Variants in RALGPS1 observed in about 807,000 individuals in gnomAD.
RALGPS1 encodes the protein ras-specific guanine nucleotide-releasing factor RalGPS1.
Under a neutral mutation model 78.8 loss-of-function variants are expected in RALGPS1, and 19 were observed. The ratio of observed to expected loss-of-function variants is 0.24; its 90% CI spans 0.17 to 0.35. The LOEUF (loss-of-function observed/expected upper bound fraction) is 0.35. Ranked by LOEUF, RALGPS1 falls within the 10% of genes least tolerant of loss-of-function variation. The probability of loss-of-function intolerance (pLI) is 1.00; values close to 1 mark genes in which losing one functional copy is unlikely to be tolerated. For synonymous variants in RALGPS1, 228 were observed against 256.3 expected (o/e 0.89, Z 1.06); for missense variants, 454 against 688.3 (o/e 0.66, Z 3.81).
chr9:127,151,803 T>G (rs1015396987), intron 8 of RALGPS1, among the ~76,000 whole-genome samples: 1 of 152,134 alleles, frequency 6.6e-6, no homozygotes, highest in African/African-American at 2.4e-5. Flanking sequence ...CTGAGTTCTA[T>G]CCCTAGATAC....
chr9:127,171,275 TGGATAGAA>T (rs1022134053), intron 10 of RALGPS1, among the ~76,000 whole-genome samples: 6 of 152,180 alleles, frequency 3.9e-5, no homozygotes, highest in African/African-American at 1.4e-4. Flanking sequence ...GATAGATGGA[TGGATAGAA>T]GGATAGAATA....
At chr9:127,165,268 A>G (rs905416205) in intron 8 of RALGPS1, among the ~76,000 whole-genome samples, 7 of 152,258 alleles carry the variant, frequency 4.6e-5, no homozygotes, top group Non-Finnish European at 1.5e-5. Flanking sequence ...GCACATCTCC[A>G]GGTGGTCTGA....
rs1471524372 is a variant in RALGPS1, at chr9:127,220,108, CAT to C, written c.*1341_*1342del. 6.6e-6 allele frequency: 1 copy of C among 152,544 alleles called. No individual in the cohort carries two copies. Among genetic ancestry groups the C allele is most frequent in the Non-Finnish European group, 1.5e-5 (1 of 68,030 alleles). 9.4% of individuals were successfully genotyped at this position (152,544 alleles called of 1,614,324 possible). A position where few individuals can be genotyped will look rare whatever the true frequency, so the allele number is the denominator to read the frequency against. ...TTCAGAATAATAAATCACTCTTTAT[CAT>C]AGTATCTTCTCTTCCCTCTTCCCCT... On this transcript the variant is annotated 3_prime_UTR_variant, in exon 19 of 19. Coordinates refer to ENST00000259351, the MANE Select transcript of RALGPS1 (RefSeq NM_014636.3).
intron 4 of RALGPS1, among the ~76,000 whole-genome samples, chr9:127,025,110 A>G (rs2045854818): frequency 6.6e-6 from 1 of 152,170 alleles, no homozygotes; most frequent in African/African-American, 2.4e-5. Flanking sequence ...TGTCTCTGTC[A>G]TGTTTACCTT....
intron 1 of RALGPS1, among the ~76,000 whole-genome samples, chr9:126,943,365 AC>A (rs1394030792): frequency 1.3e-5 from 2 of 151,928 alleles, no homozygotes; most frequent in African/African-American, 4.8e-5. Flanking sequence ...CTGGTTGTGA[AC>A]TCCTGACCTC....
intron 1 of RALGPS1, among the ~76,000 whole-genome samples, chr9:126,940,586 G>A (rs1240893100): frequency 1.3e-5 from 2 of 151,830 alleles, no homozygotes; most frequent in Non-Finnish European, 2.9e-5. Flanking sequence ...ACTACAAGCC[G>A]CCCGCCACCA....
intron 8 of RALGPS1, among the ~76,000 whole-genome samples, chr9:127,117,287 A>T (rs2055537081): frequency 6.6e-6 from 1 of 152,174 alleles, no homozygotes; most frequent in Admixed American, 6.5e-5. Context: ...TCATCTGGTT[A>T]TCTCCCTCCT....
intron 5 of RALGPS1, among the ~76,000 whole-genome samples, chr9:127,047,974 T>G (rs1202087087): frequency 6.6e-6 from 1 of 152,160 alleles, no homozygotes; most frequent in Non-Finnish European, 1.5e-5. Context: ...CCCATGTCCT[T>G]CAGCATGGCA....
intron 8 of RALGPS1, among the ~76,000 whole-genome samples, chr9:127,139,243 C>A (rs1170479503): frequency 6.6e-6 from 1 of 152,170 alleles, no homozygotes; most frequent in Non-Finnish European, 1.5e-5. Flanking sequence ...ACCCATGTTC[C>A]CATCTTCAGA....
At chr9:126,990,555 T>G (rs1158917716) in intron 4 of RALGPS1, among the ~76,000 whole-genome samples, 2 of 152,166 alleles carry the variant, frequency 1.3e-5, no homozygotes, top group East Asian at 3.9e-4. Context: ...CACCACAGCC[T>G]CCCTGGTGTT....
At chr9:127,036,666 C>T (rs1386683322) in intron 5 of RALGPS1, among the ~76,000 whole-genome samples, 1 of 152,124 alleles carries the variant, frequency 6.6e-6, no homozygotes, top group Admixed American at 6.5e-5. Context: ...GGATCCGAGT[C>T]CCTTGGGATT....
chr9:127,062,898 T>A (rs2049346810), intron 7 of RALGPS1, among the ~76,000 whole-genome samples: 1 of 152,174 alleles, frequency 6.6e-6, no homozygotes, highest in Non-Finnish European at 1.5e-5. Context: ...AAGTAAAAAA[T>A]TATTTTAAAA....
intron 1 of RALGPS1, among the ~76,000 whole-genome samples, chr9:126,950,667 T>C (rs1193140186): frequency 6.6e-6 from 1 of 150,636 alleles, no homozygotes; most frequent in Admixed American, 6.6e-5. Context: ...TTCAAAGCAG[T>C]GTGTAGAGGG....
intron 4 of RALGPS1, chr9:126,990,016 T>C: frequency 1.3e-6 from 2 of 1,549,580 alleles, no homozygotes; most frequent in Non-Finnish European, 1.7e-6. Context: ...CTCTGGCCTT[T>C]TGTCTGGATG....
At chr9:127,176,129 C>T (rs1409306412) in intron 11 of RALGPS1, among the ~76,000 whole-genome samples, 4 of 152,108 alleles carry the variant, frequency 2.6e-5, no homozygotes, top group Admixed American at 6.5e-5. Context: ...GGTTGATTCT[C>T]GGGGTCTCCG....
At chr9:127,083,267 C>T (rs903839747) in intron 8 of RALGPS1, among the ~76,000 whole-genome samples, 3 of 152,180 alleles carry the variant, frequency 2.0e-5, no homozygotes. Flanking sequence ...ACGGGCAGAG[C>T]CCATAGAGTT....
Position 127,218,743 on chromosome 9 carries a change from C to T in RALGPS1, c.1648C>T (p.Pro550Ser). The change falls in exon 19 of 19, where the codon CCT becomes TCT. Residue 550 changes from proline to serine, a missense_variant. By Grantham distance (74) the Pro-to-Ser change is moderately conservative. Coordinates refer to ENST00000259351, the MANE Select transcript of RALGPS1 (RefSeq NM_014636.3). The surrounding 1 kb of genome is among the most constrained non-coding windows in gnomAD (Gnocchi z 4.4). Reference protein sequence around the residue: ...DACKSNRPQVPANLMSFE With the variant: ...DACKSNRPQVSANLMSFE ...GAGGCTGAGCTTTCTCTTCTAGGTA[C>T]CTGCAAACCTTATGTCATTTGAGTA... 6.2e-7 allele frequency: 1 copy of T among 1,614,058 alleles called. No homozygotes were observed. Among genetic ancestry groups the T allele is most frequent in the Non-Finnish European group, 8.5e-7 (1 of 1,179,880 alleles).
intron 8 of RALGPS1, among the ~76,000 whole-genome samples, chr9:127,165,782 T>C (rs1278577723): frequency 6.6e-6 from 1 of 152,230 alleles, no homozygotes; most frequent in East Asian, 1.9e-4. Context: ...GTCCTGTTAT[T>C]TTCTAGTTGG....
intron 5 of RALGPS1, among the ~76,000 whole-genome samples, chr9:127,041,109 C>G (rs533469036): frequency 7.1e-6 from 1 of 139,898 alleles, no homozygotes; most frequent in Non-Finnish European, 1.6e-5. Context: ...TTTTTATCCC[C>G]GAGGTGGAGT....
Sources: gnomAD v4.1 joint callset for allele counts (sites outside exome capture counted in the v4.1 genomes callset) on GRCh38, gnomAD v4.1.1 for gene constraint, Gnocchi (gnomAD v3.1) non-coding constraint, MANE v1.5 for transcripts, NCBI Gene and HGNC (gene_info 2026-07-23, HGNC 2026-07-21) for gene names.